Variants in NLRP9 observed in about 807,000 individuals in gnomAD.
NLRP9 encodes the protein NLR family pyrin domain containing 9, also known as NACHT, LRR and PYD domains-containing protein 9.
A neutral mutation model predicts 83.1 loss-of-function variants in NLRP9; 88 were observed. The observed-to-expected ratio is 1.06, with a 90% CI of 0.89 to 1.26. The LOEUF (loss-of-function observed/expected upper bound fraction) is 1.26. Among genes scored for constraint, NLRP9 ranks in the 50% most tolerant of loss-of-function variants. The probability of loss-of-function intolerance (pLI) is 0.00; values close to 1 mark genes in which losing one functional copy is unlikely to be tolerated. For missense variants in NLRP9, 1,308 were observed against 1,179.3 expected (o/e 1.11, Z -1.60); for synonymous variants, 521 against 447.6 (o/e 1.16, Z -2.07).
In NLRP9 at chr19:55,732,287, A is replaced by C; in HGVS notation, c.1544T>G (p.Leu515Arg). The C allele has an allele frequency of 6.2e-7, 1 of 1,614,206 alleles. No homozygotes were observed. Among genetic ancestry groups the C allele is most frequent in the South Asian group, 1.1e-5 (1 of 91,076 alleles). ...SMLETSFGFPLSKDLKQEITQ... is the reference protein window; with the variant it reads ...SMLETSFGFPRSKDLKQEITQ... ...TATTTCCTGCTTTAGGTCTTTTGAC[A>C]GTGGAAAACCAAAGGAGGTCTCCAG... Residue 515 changes from leucine to arginine, a missense_variant, in exon 2 of 9, where the codon CTG (leucine) becomes CGG (arginine). Transcript: ENST00000332836.
chr19:55,713,473 G>A (rs1171438663), intron 6 of NLRP9, among the ~76,000 whole-genome samples: 2 of 151,382 alleles, frequency 1.3e-5, no homozygotes, highest in African/African-American at 4.9e-5. Context: ...GTGTGTTGGT[G>A]GCTCTCAGGC....
intron 4 of NLRP9, among the ~76,000 whole-genome samples, chr19:55,722,946 T>C (rs1161651675): frequency 6.6e-6 from 1 of 151,434 alleles, no homozygotes; most frequent in African/African-American, 2.4e-5. Flanking sequence ...AGTTGATCAG[T>C]GAGAACACAT....
intron 8 of NLRP9, among the ~76,000 whole-genome samples, chr19:55,711,096 A>AT (rs1987696096): frequency 8.1e-6 from 1 of 123,518 alleles, no homozygotes; most frequent in Non-Finnish European, 1.7e-5. Flanking sequence ...AAAAAAACAA[A>AT]ACAAAACAAA....
chr19:55,721,947 G>T (rs1188973281), intron 4 of NLRP9, among the ~76,000 whole-genome samples: 1 of 152,140 alleles, frequency 6.6e-6, no homozygotes, highest in Non-Finnish European at 1.5e-5. Context: ...TCTTTCTTTT[G>T]TAAATTGCCC....
chr19:55,728,535 G>A (rs1359829579), intron 3 of NLRP9, among the ~76,000 whole-genome samples: 1 of 151,990 alleles, frequency 6.6e-6, no homozygotes, highest in Non-Finnish European at 1.5e-5. Context: ...TCATTCCACT[G>A]CACTCCAGCC....
At chr19:55,731,614 C>T (rs139597421) in intron 2 of NLRP9, among the ~76,000 whole-genome samples, 2,160 of 151,488 alleles carry the variant, frequency 0.014, 59 homozygotes, top group African/African-American at 0.05. Context: ...ATCCCAGCTA[C>T]CTGGGAAGCT....
chr19:55,713,590 TCCTCCTCCTCTC>T (rs1314943715), intron 6 of NLRP9, among the ~76,000 whole-genome samples: 1 of 31,486 alleles, frequency 3.2e-5, no homozygotes, highest in Non-Finnish European at 6.4e-5. Context: ...CCTCCTCCCC[TCCTCCTCCTCTC>T]CCTCCTCCCC....
chr19:55,717,015 A>T, intron 4 of NLRP9, 117 bp from the exon 5 acceptor site: 1 of 686,192 alleles, frequency 1.5e-6, no homozygotes. Context: ...TCCATTATCT[A>T]CACTACAGAC....
At chr19:55,731,718 C>T (rs1416730731) in intron 2 of NLRP9, among the ~76,000 whole-genome samples, 6 of 68,798 alleles carry the variant, frequency 8.7e-5, no homozygotes, top group Non-Finnish European at 1.8e-4. Context: ...AGCAAGACTC[C>T]GTCTCAAAAA....
rs748269682 is a variant in NLRP9, at chr19:55,711,875, A to G, written c.2768T>C (p.Ile923Thr). 1.2e-6 allele frequency: 2 copies of G among 1,613,266 alleles called. No individual in the cohort carries two copies. The highest frequency in any genetic ancestry group is 1.3e-5 in the African/African-American group (1 of 74,912). Residue 923 changes from isoleucine to threonine, a missense_variant, in exon 8 of 9, where the codon ATT (isoleucine) becomes ACT (threonine). By Grantham distance (89) the Ile-to-Thr change is moderately conservative. Coordinates refer to ENST00000332836, the MANE Select transcript of NLRP9 (RefSeq NM_176820.4). ...CACCACTGCATCAGCATCCAAGGCA[A>G]TCCAGTCGAGGTTCAGGCTCCTCAG... ...KTLRSLNLDW[I>T]ALDADAVVVL...
rs759340206 is a variant in NLRP9, at chr19:55,732,267, C to T, written c.1564G>A (p.Glu522Lys). ...AAACTTTCAAGGCATTGGGTTATTT[C>T]CTGCTTTAGGTCTTTTGACAGTGGA... is the stretch of plus-strand genomic sequence containing the variant. ...GFPLSKDLKQ[E>K]ITQCLESLSQ... Residue 522 changes from glutamate (E) to lysine (K), a missense_variant, in exon 2 of 9, where the codon GAA (glutamate) becomes AAA (lysine). By Grantham distance (56) the Glu-to-Lys change is moderately conservative (BLOSUM62 1). Coordinates refer to ENST00000332836, the MANE Select transcript of NLRP9 (RefSeq NM_176820.4). 4 of 1,614,150 alleles carry T rather than the reference C, an allele frequency of 2.5e-6. No individual in the cohort carries two copies. The highest frequency in any genetic ancestry group is 3.3e-5 in the Admixed American group (2 of 60,008).
chr19:55,711,899 A>G lies in NLRP9; in HGVS notation c.2744T>C (p.Leu915Pro). The G allele has an allele frequency of 1.2e-6, 2 of 1,613,292 alleles. No homozygotes were observed. The highest frequency in any genetic ancestry group is 1.1e-5 in the South Asian group (1 of 91,086). Residue 915 changes from leucine (L) to proline (P), a missense_variant, in exon 8 of 9, where the codon CTG becomes CCG. Coordinates refer to ENST00000332836, the MANE Select transcript of NLRP9 (RefSeq NM_176820.4). ...IAAALIACKTLRSLNLDWIAL... is the reference protein window; with the variant it reads ...IAAALIACKTPRSLNLDWIAL... Reference sequence around the variant, plus strand: ...AATCCAGTCGAGGTTCAGGCTCCTCAGTGTTTTGCAGGCGATGAGTGCTGC... The same window carrying G: ...AATCCAGTCGAGGTTCAGGCTCCTCGGTGTTTTGCAGGCGATGAGTGCTGC...
chr19:55,715,996 G>A (rs746545248), intron 5 of NLRP9, among the ~76,000 whole-genome samples: 1 of 152,208 alleles, frequency 6.6e-6, no homozygotes, highest in Non-Finnish European at 1.5e-5. Flanking sequence ...AATGATGTCA[G>A]ATGATGAGTA....
chr19:55,714,988 C>T, intron 6 of NLRP9, 67 bp downstream of exon 6: 1 of 1,449,908 alleles, frequency 6.9e-7, no homozygotes, highest in Non-Finnish European at 9.4e-7. Flanking sequence ...TTTCCTATGT[C>T]TTTCCTAGAG....
chr19:55,731,450 G>C (rs753486537), intron 2 of NLRP9, among the ~76,000 whole-genome samples: 9 of 152,008 alleles, frequency 5.9e-5, no homozygotes, highest in African/African-American at 1.9e-4. Context: ...AAGGCCAGGC[G>C]CGGTGGCTTA....
intron 8 of NLRP9, chr19:55,711,311 T>A (rs1600122934): frequency 1.1e-6 from 1 of 943,928 alleles, no homozygotes; most frequent in East Asian, 1.1e-4. Flanking sequence ...ACATAAAAAA[T>A]TCATCCTACA....
intron 1 of NLRP9, among the ~76,000 whole-genome samples, chr19:55,736,797 G>A (rs1300611262): frequency 6.6e-6 from 1 of 151,654 alleles, no homozygotes; most frequent in Non-Finnish European, 1.5e-5. Flanking sequence ...TCATGTCACT[G>A]CCCTCCAACC....
intron 1 of NLRP9, among the ~76,000 whole-genome samples, chr19:55,735,214 A>T (rs1032425227): frequency 6.6e-6 from 1 of 152,168 alleles, no homozygotes. Flanking sequence ...TCCCTTTAAC[A>T]CCGTCGCACA....
intron 4 of NLRP9, among the ~76,000 whole-genome samples, chr19:55,718,562 A>G (rs1379844659): frequency 6.6e-6 from 1 of 152,188 alleles, no homozygotes; most frequent in Non-Finnish European, 1.5e-5. Context: ...ACATAAATCT[A>G]GCCTACGTGC....
Sources: allele counts gnomAD v4.1 joint callset (sites outside exome capture counted in the v4.1 genomes callset), GRCh38; gene constraint gnomAD v4.1.1; transcripts MANE v1.5; gene names NCBI Gene and HGNC (gene_info 2026-07-23, HGNC 2026-07-21).